Variants in PDGFC observed in about 807,000 individuals in gnomAD.
The protein encoded by PDGFC is platelet derived growth factor C.
A neutral mutation model predicts 35.5 loss-of-function variants in PDGFC; 12 were observed. That is an observed-to-expected ratio of 0.34 (90% CI 0.22 to 0.55). The LOEUF (loss-of-function observed/expected upper bound fraction) is 0.55, where lower values mean the gene tolerates loss of function less well. PDGFC is among the 20% of genes least tolerant of loss of function. The pLI, the probability that PDGFC is intolerant of heterozygous loss-of-function variation, is 0.91. For missense variants in PDGFC, 322 were observed against 412.4 expected (o/e 0.78, Z 1.90); for synonymous variants, 159 against 148.8 (o/e 1.07, Z -0.50).
intron 2 of PDGFC, among the ~76,000 whole-genome samples, chr4:156,843,112 A>C (rs1203565994): frequency 1.3e-5 from 2 of 152,114 alleles, no homozygotes; most frequent in Admixed American, 1.3e-4. Flanking sequence ...CTAACCCCTA[A>C]GGTGATGGTA....
At chr4:156,942,111 A>T (rs905086920) in intron 1 of PDGFC, among the ~76,000 whole-genome samples, 1 of 151,922 alleles carries the variant, frequency 6.6e-6, no homozygotes, top group African/African-American at 2.4e-5. Flanking sequence ...TAAAGACGAG[A>T]GGGAAAACCC....
chr4:156,883,111 C>A (rs1730286814), intron 1 of PDGFC, among the ~76,000 whole-genome samples: 1 of 151,616 alleles, frequency 6.6e-6, no homozygotes. Context: ...GAAAATGCCA[C>A]TGAGTAACTC....
At chr4:156,769,304 CAAGGT>C (rs768458782) in intron 4 of PDGFC, among the ~76,000 whole-genome samples, 8 of 151,712 alleles carry the variant, frequency 5.3e-5, no homozygotes, top group Admixed American at 2.0e-4. Context: ...TTTTAAGTGA[CAAGGT>C]AAGAATCAAA....
At position 156,767,965 on chromosome 4, in the gene PDGFC, C is replaced by A; in HGVS notation, c.729G>T (p.Glu243Asp). Residue 243 changes from glutamate to aspartate, a missense_variant, in exon 5 of 6, where the codon GAG (glutamate) becomes GAT (aspartate). By Grantham distance (45) the Glu-to-Asp change is conservative. Transcript: ENST00000502773. ...GTGTGCAGCTGTATAATCTTACCTC[C>A]TCTGTTAGAAGGTTCAGATCCACCA... ...SRVVDLNLLT[E>D]EVRLYSCTPR... 6.2e-7 allele frequency: 1 copy of A among 1,610,016 alleles called. No individual in the cohort carries two copies. Among genetic ancestry groups the A allele is most frequent in the Non-Finnish European group, 8.5e-7 (1 of 1,176,446 alleles).
intron 1 of PDGFC, among the ~76,000 whole-genome samples, chr4:156,948,103 T>C (rs527526308): frequency 6.1e-4 from 92 of 150,100 alleles, no homozygotes; most frequent in Non-Finnish European, 1.1e-3. Flanking sequence ...ATGAAGTCCA[T>C]GGTGTGCAAC....
At chr4:156,880,131 A>G (rs1488067631) in intron 1 of PDGFC, among the ~76,000 whole-genome samples, 5 of 152,166 alleles carry the variant, frequency 3.3e-5, no homozygotes, top group Admixed American at 6.5e-5. Context: ...TAAACAACGG[A>G]TCGTCGATGT....
intron 1 of PDGFC, among the ~76,000 whole-genome samples, chr4:156,918,460 C>T (rs1239382833): frequency 6.6e-6 from 1 of 152,206 alleles, no homozygotes; most frequent in Non-Finnish European, 1.5e-5. Flanking sequence ...AGGGGTCCAA[C>T]CACTGGCTGC....
intron 1 of PDGFC, among the ~76,000 whole-genome samples, chr4:156,910,366 C>T (rs1187411390): frequency 6.6e-6 from 1 of 152,056 alleles, no homozygotes; most frequent in Non-Finnish European, 1.5e-5. Flanking sequence ...CTGCATTTAT[C>T]AATAACTGCT....
chr4:156,858,987 G>A (rs929900052), intron 1 of PDGFC, among the ~76,000 whole-genome samples: 2 of 151,960 alleles, frequency 1.3e-5, no homozygotes, highest in Non-Finnish European at 2.9e-5. Context: ...ATAAAGTACT[G>A]ACATTTTGAC....
At chr4:156,825,466 C>T (rs188714899) in intron 2 of PDGFC, among the ~76,000 whole-genome samples, 6 of 150,276 alleles carry the variant, frequency 4.0e-5, no homozygotes, top group Non-Finnish European at 8.9e-5. Context: ...GGGAGGATCA[C>T]TTGAGAATGG....
chr4:156,954,509 A>AC lies in PDGFC; in HGVS notation c.118+16276dup, dbSNP rs756013974. ...GGGGAAATAATTCAAAACAAAAAAT[A>AC]CGTCAAAGTTACTGAAAATGAACTT... On this transcript the variant is annotated intron_variant, in intron 1 of 5. Transcript: ENST00000502773. Among the ~76,000 whole-genome samples the AC allele has an allele frequency of 1.3e-3, 192 of 152,162 alleles. 1 individual carries two copies. Among genetic ancestry groups the AC allele is most frequent in the Non-Finnish European group, 1.9e-3 (131 of 67,950 alleles).
intron 1 of PDGFC, among the ~76,000 whole-genome samples, chr4:156,932,895 A>AT (rs1019846303): frequency 3.3e-5 from 5 of 152,010 alleles, no homozygotes; most frequent in African/African-American, 1.2e-4. Context: ...TTAAGGTATA[A>AT]TTAAAAAAAA....
chr4:156,942,703 TATA>T (rs1414943737), intron 1 of PDGFC, among the ~76,000 whole-genome samples: 2 of 147,434 alleles, frequency 1.4e-5, no homozygotes, highest in South Asian at 2.1e-4. Context: ...ATTATATAAT[TATA>T]ATATTATTAT....
intron 1 of PDGFC, among the ~76,000 whole-genome samples, chr4:156,902,991 T>C (rs1730826166): frequency 6.6e-6 from 1 of 152,114 alleles, no homozygotes; most frequent in Non-Finnish European, 1.5e-5. Context: ...CTACTAAGTT[T>C]CAGTTTTTAG....
At chr4:156,807,767 T>G (rs1731809663) in intron 3 of PDGFC, among the ~76,000 whole-genome samples, 1 of 151,992 alleles carries the variant, frequency 6.6e-6, no homozygotes, top group Non-Finnish European at 1.5e-5. Flanking sequence ...CTGTGAAATA[T>G]AAAGAATTTT....
At chr4:156,912,235 AGC>A in intron 1 of PDGFC, among the ~76,000 whole-genome samples, 1 of 152,196 alleles carries the variant, frequency 6.6e-6, no homozygotes, top group East Asian at 1.9e-4. Flanking sequence ...AATTGAGAGC[AGC>A]TAGACACCTC....
chr4:156,784,036 G>A (rs1310305841), intron 3 of PDGFC, among the ~76,000 whole-genome samples: 1 of 152,114 alleles, frequency 6.6e-6, no homozygotes, highest in Non-Finnish European at 1.5e-5. Flanking sequence ...TTCAGGTTGG[G>A]TCAATTTATA....
chr4:156,825,590 T>TAAG (rs1238405953), intron 2 of PDGFC, among the ~76,000 whole-genome samples: 1,559 of 78,058 alleles, frequency 0.02, 10 homozygotes, highest in Non-Finnish European at 0.025. Flanking sequence ...ATAATAATAA[T>TAAG]AATAAGAAGA....
At chr4:156,847,147 A>G (rs552540020) in intron 2 of PDGFC, among the ~76,000 whole-genome samples, 1 of 151,950 alleles carries the variant, frequency 6.6e-6, no homozygotes, top group South Asian at 2.1e-4. Context: ...GAGTGTAATC[A>G]GTATCTCCTT....
Sources: gnomAD v4.1 joint callset for allele counts (sites outside exome capture counted in the v4.1 genomes callset) on GRCh38, gnomAD v4.1.1 for gene constraint, MANE v1.5 for transcripts, NCBI Gene and HGNC (gene_info 2026-07-23, HGNC 2026-07-21) for gene names.